The following NFATC1 variants were observed in gnomAD, a reference collection of about 807,000 sequenced individuals.
NFATC1 encodes the protein nuclear factor of activated T-cells, cytoplasmic 1.
A neutral mutation model predicts 76.0 loss-of-function variants in NFATC1; 22 were observed. That is an observed-to-expected ratio of 0.29 (90% CI 0.21 to 0.41). The LOEUF (loss-of-function observed/expected upper bound fraction) is 0.41, where lower values mean the gene tolerates loss of function less well. NFATC1 is among the 10% of genes least tolerant of loss of function. The pLI is 1.00. For missense variants in NFATC1, 1,357 were observed against 1,337.7 expected (o/e 1.01, Z -0.23); for synonymous variants, 704 against 613.1 (o/e 1.15, Z -2.19).
intron 8 of NFATC1, among the ~76,000 whole-genome samples, chr18:79,473,358 A>G (rs1474134256): frequency 6.6e-6 from 1 of 152,280 alleles, no homozygotes; most frequent in African/African-American, 2.4e-5. Flanking sequence ...GGCAAGTGAG[A>G]GAAGCGTGTT....
intron 9 of NFATC1, among the ~76,000 whole-genome samples, chr18:79,488,657 A>G (rs971271060): frequency 6.6e-6 from 1 of 152,188 alleles, no homozygotes; most frequent in Non-Finnish European, 1.5e-5. Context: ...CCTCCTGAGC[A>G]CAGATGGACT....
chr18:79,443,746 C>A (rs1430960722), intron 3 of NFATC1, among the ~76,000 whole-genome samples: 2 of 152,204 alleles, frequency 1.3e-5, no homozygotes, highest in African/African-American at 4.8e-5. Flanking sequence ...CTGGTCCTGT[C>A]CCCCTAGCCC....
chr18:79,501,066 C>T (rs990845070), intron 9 of NFATC1, among the ~76,000 whole-genome samples: 8 of 151,770 alleles, frequency 5.3e-5, no homozygotes. Context: ...AACACAGGAG[C>T]AAAAATCCAC....
intron 1 of NFATC1, among the ~76,000 whole-genome samples, chr18:79,407,058 C>T (rs886471196): frequency 6.6e-6 from 1 of 152,226 alleles, no homozygotes; most frequent in Non-Finnish European, 1.5e-5. Flanking sequence ...TCTCAGAGGG[C>T]TACAGTTTGC....
chr18:79,435,352 G>GTTTGTTTT (rs1555905861), intron 3 of NFATC1, among the ~76,000 whole-genome samples: 1 of 111,392 alleles, frequency 9.0e-6, no homozygotes. Context: ...TGGTTTGTTT[G>GTTTGTTTT]TTTTTTTTTT....
intron 9 of NFATC1, among the ~76,000 whole-genome samples, chr18:79,526,090 T>C (rs1387029559): frequency 1.3e-5 from 2 of 152,244 alleles, no homozygotes; most frequent in Non-Finnish European, 2.9e-5. Context: ...TCTTTCTCTC[T>C]GCGTTGTGCC....
At chr18:79,473,692 TCACA>T (rs1263604492) in intron 8 of NFATC1, among the ~76,000 whole-genome samples, 9 of 148,970 alleles carry the variant, frequency 6.0e-5, no homozygotes, top group African/African-American at 2.5e-5. Context: ...AAGCGTGTTC[TCACA>T]CTCACTGTCG....
At chr18:79,523,356 T>A (rs1212863256) in intron 9 of NFATC1, among the ~76,000 whole-genome samples, 2 of 152,256 alleles carry the variant, frequency 1.3e-5, no homozygotes, top group African/African-American at 4.8e-5. Context: ...ACAAAACTCC[T>A]GCGTGAAACT....
intron 3 of NFATC1, among the ~76,000 whole-genome samples, chr18:79,441,717 G>T (rs1180257638): frequency 6.6e-6 from 1 of 152,076 alleles, no homozygotes; most frequent in Non-Finnish European, 1.5e-5. Context: ...TCTCTAGAAG[G>T]TTGCCGTTTC....
At chr18:79,431,740 T>C (rs1244367952) in intron 2 of NFATC1, among the ~76,000 whole-genome samples, 1 of 151,992 alleles carries the variant, frequency 6.6e-6, no homozygotes, top group Non-Finnish European at 1.5e-5. Flanking sequence ...TCTCGCTCTG[T>C]CGCCAAGGCT....
At chr18:79,514,377 C>G (rs995555767) in intron 9 of NFATC1, among the ~76,000 whole-genome samples, 1 of 151,874 alleles carries the variant, frequency 6.6e-6, no homozygotes, top group African/African-American at 2.4e-5. Flanking sequence ...GAGTTCCAGA[C>G]CAGCTTGGGC....
chr18:79,467,605 A>C, intron 8 of NFATC1, 23 bp downstream of exon 8: 3 of 1,613,384 alleles, frequency 1.9e-6, no homozygotes, highest in Non-Finnish European at 2.5e-6. Context: ...TTCTAACCGT[A>C]AGCCGTGAAC....
intron 2 of NFATC1, among the ~76,000 whole-genome samples, chr18:79,429,907 A>C (rs1397183450): frequency 2.0e-5 from 3 of 152,348 alleles, no homozygotes; most frequent in Non-Finnish European, 2.9e-5. Flanking sequence ...TGAGATCGTG[A>C]GAGCGTAGTT....
Position 79,411,489 on chromosome 18 carries a change from C to A in NFATC1, c.1214C>A (p.Thr405Lys). The change falls in exon 2 of 10, where the codon ACG becomes AAG. Residue 405 changes from threonine (T) to lysine (K), a missense_variant. This residue lies in a region of NFATC1 where 691 missense variants were observed against 613.1 expected (regional missense o/e 1.13). Coordinates refer to ENST00000427363, the MANE Select transcript of NFATC1 (RefSeq NM_001278669.2). ...QWAKPKPLSP[T>K]SYMSPTLPAL... Reference sequence around the variant, plus strand: ...GCGAAGCCCAAGCCCCTGTCCCCTACGTCCTACATGAGGTGAGCCGGCAGC... The same window carrying A: ...GCGAAGCCCAAGCCCCTGTCCCCTAAGTCCTACATGAGGTGAGCCGGCAGC... 6.6e-7 allele frequency: 1 copy of A among 1,504,532 alleles called. No individual in the cohort carries two copies. The highest frequency in any genetic ancestry group is 8.9e-7 in the Non-Finnish European group (1 of 1,128,666). 93.2% of individuals were successfully genotyped at this position (1,504,532 alleles called of 1,614,324 possible). A position where few individuals can be genotyped will look rare whatever the true frequency, so the allele number is the denominator to read the frequency against.
chr18:79,460,617 G>C (rs1054688280), intron 6 of NFATC1, among the ~76,000 whole-genome samples: 8 of 152,226 alleles, frequency 5.3e-5, no homozygotes. Flanking sequence ...AAAATACCTC[G>C]TGTTTTGCAT....
intron 3 of NFATC1, chr18:79,448,433 T>G: frequency 9.4e-6 from 3 of 317,614 alleles, no homozygotes; most frequent in Non-Finnish European, 1.8e-5. Flanking sequence ...CTCATCTGGA[T>G]TTATTGGTGA....
intron 8 of NFATC1, among the ~76,000 whole-genome samples, chr18:79,473,496 C>T (rs541360426): frequency 2.2e-4 from 33 of 151,344 alleles, no homozygotes; most frequent in Non-Finnish European, 4.3e-4. Flanking sequence ...TTCTCACGCT[C>T]ACTATCGACG....
rs1371711128 is a variant in NFATC1, at chr18:79,525,038, G to A, written c.2783-2490G>A. The stretch of plus-strand genomic sequence containing the variant: ...ATTACTACCCCTCAGGCCTCCCCAC[G>A]TCCCACCGTCGTTACCCCTCAGTCC... On this transcript the variant is annotated intron_variant, in intron 9 of 9. Coordinates refer to ENST00000427363, the MANE Select transcript of NFATC1 (RefSeq NM_001278669.2). 1.8e-4 allele frequency among the ~76,000 whole-genome samples: 19 copies of A among 108,358 alleles called. 1 individual carries two copies. Among genetic ancestry groups the A allele is most frequent in the African/African-American group, 6.3e-4 (17 of 27,140 alleles). The allele number at this position is 108,358 out of a possible 152,430, so 71.1% of individuals were successfully genotyped here.
At chr18:79,493,579 C>A (rs918438929) in intron 9 of NFATC1, 1 of 152,274 alleles carries the variant, frequency 6.6e-6, no homozygotes, top group Non-Finnish European at 1.5e-5. Flanking sequence ...GTGTCCGCCG[C>A]AGTCTGGGCT....
Sources: allele counts gnomAD v4.1 joint callset (sites outside exome capture counted in the v4.1 genomes callset), GRCh38; gene constraint gnomAD v4.1.1; regional missense constraint gnomAD v4.1.1; transcripts MANE v1.5; gene names NCBI Gene and HGNC (gene_info 2026-07-23, HGNC 2026-07-21).